Variants in NDUFS4 observed in about 807,000 individuals in gnomAD.
The protein encoded by NDUFS4 is NADH dehydrogenase [ubiquinone] iron-sulfur protein 4, mitochondrial.
Under a neutral mutation model 24.3 loss-of-function variants are expected in NDUFS4, and 28 were observed. That is an observed-to-expected ratio of 1.15 (90% CI 0.85 to 1.58). The LOEUF (loss-of-function observed/expected upper bound fraction) is 1.58. Ranked by LOEUF, NDUFS4 falls within the 40% of genes most tolerant of loss-of-function variation. The pLI is 0.00. For synonymous variants in NDUFS4, 93 were observed against 69.7 expected (o/e 1.34, Z -1.67); for missense variants, 223 against 207.9 (o/e 1.07, Z -0.45).
At chr5:53,619,305 TTA>T (rs150785276) in intron 2 of NDUFS4, among the ~76,000 whole-genome samples, 35,977 of 130,396 alleles carry the variant, frequency 0.28, 6,083 homozygotes, top group African/African-American at 0.5. Context: ...TGCTAAAAAT[TTA>T]AAAAAAAAAA....
intron 4 of NDUFS4, among the ~76,000 whole-genome samples, chr5:53,667,547 C>T (rs966612685): frequency 1.3e-5 from 2 of 151,772 alleles, no homozygotes; most frequent in Non-Finnish European, 2.9e-5. Context: ...GCATCCTCTT[C>T]CTTCTGACTT....
intron 4 of NDUFS4, among the ~76,000 whole-genome samples, chr5:53,664,799 G>C (rs557720468): frequency 5.3e-5 from 8 of 152,214 alleles, no homozygotes; most frequent in African/African-American, 1.9e-4. Context: ...GCTCGGAGTA[G>C]TTTGATCGTC....
chr5:53,616,129 C>T (rs1003283825), intron 2 of NDUFS4, among the ~76,000 whole-genome samples: 1 of 151,714 alleles, frequency 6.6e-6, no homozygotes, highest in African/African-American at 2.4e-5. Flanking sequence ...CTAGGACAAT[C>T]TGTAGTTGTG....
chr5:53,619,333 G>T (rs1750955717), intron 2 of NDUFS4, among the ~76,000 whole-genome samples: 1 of 148,184 alleles, frequency 6.7e-6, no homozygotes, highest in South Asian at 2.1e-4. Context: ...AATTAGCCGG[G>T]TGTGGTGGCG....
intron 1 of NDUFS4, among the ~76,000 whole-genome samples, chr5:53,566,889 C>G (rs1749045051): frequency 6.9e-6 from 1 of 145,942 alleles, no homozygotes; most frequent in African/African-American, 2.6e-5. Flanking sequence ...TGCTTTGTTG[C>G]CCAGGCTGAA....
intron 1 of NDUFS4, among the ~76,000 whole-genome samples, chr5:53,583,817 T>C (rs1387032031): frequency 6.6e-6 from 1 of 152,240 alleles, no homozygotes; most frequent in African/African-American, 2.4e-5. Context: ...TCAACCATAA[T>C]TTAAGCTACT....
chr5:53,563,503 A>ATT (rs199700887), intron 1 of NDUFS4, among the ~76,000 whole-genome samples: 1 of 142,698 alleles, frequency 7.0e-6, no homozygotes, highest in Non-Finnish European at 1.5e-5. Flanking sequence ...AATTGTCTAC[A>ATT]TTTTTTTTTT....
chr5:53,606,979 G>C (rs1256948815), intron 2 of NDUFS4, among the ~76,000 whole-genome samples: 2 of 152,034 alleles, frequency 1.3e-5, no homozygotes, highest in African/African-American at 4.8e-5. Context: ...ATAATGACAA[G>C]AAAAAAGGAG....
intron 1 of NDUFS4, among the ~76,000 whole-genome samples, chr5:53,574,379 A>T (rs1294866728): frequency 6.6e-6 from 1 of 152,170 alleles, no homozygotes; most frequent in East Asian, 1.9e-4. Flanking sequence ...ATTGATTTTC[A>T]AATATTGAAT....
rs772124334 is a variant in NDUFS4, at chr5:53,603,567, C to T, written c.177+37C>T. The T allele has an allele frequency of 8.0e-5, 122 of 1,520,340 alleles. 2 individuals carry two copies. The Middle Eastern group carries it at 1.2e-3, about 15-fold the overall frequency. 94.2% of individuals were successfully genotyped at this position (1,520,340 alleles called of 1,614,324 possible). ...CTACTACACACTGCTATGGTTCTGC[C>T]TTCAGGGTTATTTTTGTACTATAGA... On this transcript the variant is annotated intron_variant, in intron 2 of 4. Transcript: ENST00000296684.
intron 2 of NDUFS4, among the ~76,000 whole-genome samples, chr5:53,620,378 A>T (rs1454603168): frequency 6.6e-6 from 1 of 152,178 alleles, no homozygotes; most frequent in Non-Finnish European, 1.5e-5. Context: ...ATGATGCAAC[A>T]TTGATTTAGA....
chr5:53,603,937 TG>T (rs1750415089), intron 2 of NDUFS4, among the ~76,000 whole-genome samples: 1 of 152,172 alleles, frequency 6.6e-6, no homozygotes, highest in Admixed American at 6.5e-5. Flanking sequence ...TATCACTATA[TG>T]TATATATGTA....
chr5:53,672,121 T>G (rs1324411626), intron 4 of NDUFS4, among the ~76,000 whole-genome samples: 3 of 152,084 alleles, frequency 2.0e-5, no homozygotes, highest in African/African-American at 7.2e-5. Context: ...TGTAGCTTAG[T>G]ACTTAGAATT....
At position 53,660,596 on chromosome 5, in the gene NDUFS4, A is replaced by G. The variant is rs1396079132; in HGVS notation, c.424+1972A>G. ...CCACACTGACTTCCACAATGGTTGA[A>G]CTAGTTTGCAGTCCCACCGACAGTG... On this transcript the variant is annotated intron_variant, in intron 4 of 4. Coordinates refer to ENST00000296684, the MANE Select transcript of NDUFS4 (RefSeq NM_002495.4). Among the ~76,000 whole-genome samples, 4 of 152,122 alleles carry G rather than the reference A, an allele frequency of 2.6e-5. No homozygotes were observed. In the East Asian group the frequency reaches 7.7e-4, roughly 29 times the overall value.
At chr5:53,670,727 C>T (rs540616714) in intron 4 of NDUFS4, among the ~76,000 whole-genome samples, 260 of 151,066 alleles carry the variant, frequency 1.7e-3, no homozygotes, top group African/African-American at 6.1e-3. Context: ...AAATATAATA[C>T]TTATTAAGAA....
At position 53,595,557 on chromosome 5, in the gene NDUFS4, T is replaced by G. The variant is rs1000150961; in HGVS notation, c.99-7895T>G. On this transcript the variant is annotated intron_variant, in intron 1 of 4. Coordinates refer to ENST00000296684, the MANE Select transcript of NDUFS4 (RefSeq NM_002495.4). The stretch of plus-strand genomic sequence containing the variant: ...CTTTATTTCTTATTCTTCTCTCATG[T>G]ATATTTATTTTGATAACCTGTTGCT... Among the ~76,000 whole-genome samples the G allele has an allele frequency of 1.2e-4, 19 of 152,344 alleles. 1 individual carries two copies. The highest frequency in any genetic ancestry group is 4.6e-4 in the Admixed American group (7 of 15,302).
intron 4 of NDUFS4, among the ~76,000 whole-genome samples, chr5:53,673,736 T>A (rs1025504239): frequency 6.6e-6 from 1 of 152,180 alleles, no homozygotes; most frequent in African/African-American, 2.4e-5. Context: ...TTCATTTATG[T>A]GTATCTTTTA....
chr5:53,588,656 TC>T (rs1749846457), intron 1 of NDUFS4, among the ~76,000 whole-genome samples: 1 of 152,198 alleles, frequency 6.6e-6, no homozygotes, highest in Non-Finnish European at 1.5e-5. Context: ...GATGTGATCA[TC>T]AGCCTTTTAA....
At chr5:53,630,186 T>C (rs1751367073) in intron 2 of NDUFS4, among the ~76,000 whole-genome samples, 1 of 152,228 alleles carries the variant, frequency 6.6e-6, no homozygotes, top group Non-Finnish European at 1.5e-5. Flanking sequence ...GTTCTTTTCT[T>C]TAAGAATGTT....
Sources: gnomAD v4.1 joint callset for allele counts (sites outside exome capture counted in the v4.1 genomes callset) on GRCh38, gnomAD v4.1.1 for gene constraint, MANE v1.5 for transcripts, NCBI Gene and HGNC (gene_info 2026-07-23, HGNC 2026-07-21) for gene names.